PLCL1: variants seen among roughly 807,000 people sequenced by gnomAD.
PLCL1 encodes inactive phospholipase C-like protein 1.
A neutral mutation model predicts 84.4 loss-of-function variants in PLCL1; 41 were observed. The observed-to-expected ratio is 0.49, with a 90% CI of 0.38 to 0.63. The LOEUF is 0.63. PLCL1 is among the 30% of genes least tolerant of loss of function. The probability of loss-of-function intolerance (pLI) is 0.00; values close to 1 mark genes in which losing one functional copy is unlikely to be tolerated. For missense variants in PLCL1, 1,206 were observed against 1,367.8 expected, an observed-to-expected ratio of 0.88 and a Z score of 1.87; for synonymous variants, 490 against 488.3, an observed-to-expected ratio of 1.00 and a Z score of -0.05.
intron 1 of PLCL1, among the ~76,000 whole-genome samples, chr2:197,972,558 A>T (rs1288570625): frequency 2.0e-5 from 3 of 152,186 alleles, no homozygotes; most frequent in South Asian, 2.1e-4. Context: ...ACTTTTATCC[A>T]TCTTTAAAAA....
At chr2:197,808,833 G>T (rs1390981676) in intron 1 of PLCL1, among the ~76,000 whole-genome samples, 1 of 152,120 alleles carries the variant, frequency 6.6e-6, no homozygotes. Context: ...ACATTGACGG[G>T]TTCTACTTTT....
At chr2:198,101,215 T>C (rs1693324745) in intron 3 of PLCL1, 70 bp from the exon 4 acceptor site, 1 of 868,884 alleles carries the variant, frequency 1.2e-6, no homozygotes. Flanking sequence ...GGTCTCTCTG[T>C]ATGTCGTCTT....
At chr2:198,094,998 T>C (rs1272430961) in intron 3 of PLCL1, among the ~76,000 whole-genome samples, 2 of 152,126 alleles carry the variant, frequency 1.3e-5, no homozygotes, top group Non-Finnish European at 2.9e-5. Flanking sequence ...TATCAATCAA[T>C]AACTCTGGCA....
At chr2:198,112,726 C>T (rs755339649) in intron 5 of PLCL1, among the ~76,000 whole-genome samples, 1 of 151,830 alleles carries the variant, frequency 6.6e-6, no homozygotes, top group Non-Finnish European at 1.5e-5. Flanking sequence ...CAAACAGTTA[C>T]GGTTAACAGT....
intron 1 of PLCL1, among the ~76,000 whole-genome samples, chr2:197,939,063 G>C (rs890564154): frequency 2.6e-5 from 4 of 152,152 alleles, no homozygotes; most frequent in African/African-American, 9.7e-5. Flanking sequence ...GTGGTGGTGA[G>C]AAGGAGGATC....
chr2:197,962,177 C>T (rs759791252), intron 1 of PLCL1, among the ~76,000 whole-genome samples: 4 of 152,040 alleles, frequency 2.6e-5, no homozygotes, highest in Non-Finnish European at 5.9e-5. Flanking sequence ...AATGATGGTA[C>T]ATGTATTAAT....
intron 1 of PLCL1, among the ~76,000 whole-genome samples, chr2:197,891,257 CTAAGG>C (rs1424270472): frequency 6.6e-6 from 1 of 152,108 alleles, no homozygotes; most frequent in Non-Finnish European, 1.5e-5. Flanking sequence ...CATGTTCACA[CTAAGG>C]ATGGAGTGAC....
At chr2:197,900,240 GAATA>G (rs1353326551) in intron 1 of PLCL1, among the ~76,000 whole-genome samples, 1 of 152,156 alleles carries the variant, frequency 6.6e-6, no homozygotes, top group Non-Finnish European at 1.5e-5. Context: ...TTCACTAACT[GAATA>G]AATACATGCA....
At chr2:198,025,355 T>C (rs959184323) in intron 1 of PLCL1, among the ~76,000 whole-genome samples, 2 of 152,000 alleles carry the variant, frequency 1.3e-5, no homozygotes, top group African/African-American at 4.8e-5. Context: ...TCTACACAAA[T>C]GTAGTATACT....
At chr2:198,018,671 G>C (rs112810329) in intron 1 of PLCL1, among the ~76,000 whole-genome samples, 5 of 152,366 alleles carry the variant, frequency 3.3e-5, no homozygotes, top group African/African-American at 1.2e-4. Flanking sequence ...TAGCCAGACT[G>C]CCTCTCTAGA....
At chr2:198,004,657 C>T (rs1690684471) in intron 1 of PLCL1, among the ~76,000 whole-genome samples, 1 of 152,098 alleles carries the variant, frequency 6.6e-6, no homozygotes, top group Admixed American at 6.6e-5. Flanking sequence ...TAGATGAGTA[C>T]TGTTACACAT....
At chr2:197,869,429 A>G (rs964215305) in intron 1 of PLCL1, among the ~76,000 whole-genome samples, 1 of 151,848 alleles carries the variant, frequency 6.6e-6, no homozygotes, top group African/African-American at 2.4e-5. Flanking sequence ...ATTTTGATTT[A>G]TATTTACATA....
At chr2:197,979,970 C>T (rs1690069305) in intron 1 of PLCL1, among the ~76,000 whole-genome samples, 1 of 152,088 alleles carries the variant, frequency 6.6e-6, no homozygotes, top group Non-Finnish European at 1.5e-5. Flanking sequence ...ACCTAGAAAC[C>T]TTAGTCCCTG....
chr2:198,132,458 G>C (rs182086050), intron 5 of PLCL1, among the ~76,000 whole-genome samples: 11 of 151,572 alleles, frequency 7.3e-5, no homozygotes, highest in Admixed American at 2.0e-4. Context: ...TGTTTTTTTG[G>C]GGGGGGGAGT....
chr2:197,946,951 A>T (rs1290752630), intron 1 of PLCL1, among the ~76,000 whole-genome samples: 1 of 151,786 alleles, frequency 6.6e-6, no homozygotes, highest in African/African-American at 2.4e-5. Context: ...AGGGGCCCCC[A>T]CTCTAGAGGA....
At chr2:198,108,548 A>G (rs749412517) in intron 5 of PLCL1, among the ~76,000 whole-genome samples, 1 of 151,936 alleles carries the variant, frequency 6.6e-6, no homozygotes, top group Non-Finnish European at 1.5e-5. Context: ...AGACTGAAAA[A>G]TAAATTGTTT....
chr2:197,986,915 C>T (rs1021405922), intron 1 of PLCL1, among the ~76,000 whole-genome samples: 10 of 152,088 alleles, frequency 6.6e-5, no homozygotes, highest in African/African-American at 7.2e-5. Flanking sequence ...TGGAATCATC[C>T]GTATTTCATA....
chr2:197,978,235 G>C (rs570581780), intron 1 of PLCL1, among the ~76,000 whole-genome samples: 50 of 152,324 alleles, frequency 3.3e-4, no homozygotes, highest in Admixed American at 1.3e-3. Flanking sequence ...CCAGAACTTT[G>C]GGAGGCCGAG....
chr2:198,071,537 A>G (rs1005307500), intron 1 of PLCL1, among the ~76,000 whole-genome samples: 1 of 151,756 alleles, frequency 6.6e-6, no homozygotes, highest in African/African-American at 2.4e-5. Flanking sequence ...ATTTGTCTAT[A>G]CCTTTGTAAA....
Sources: allele counts gnomAD v4.1 joint callset (sites outside exome capture counted in the v4.1 genomes callset), GRCh38; gene constraint gnomAD v4.1.1; transcripts MANE v1.5; gene names NCBI Gene and HGNC (gene_info 2026-07-23, HGNC 2026-07-21).